DOCK7: variants seen among roughly 807,000 people sequenced by gnomAD.
DOCK7 encodes dedicator of cytokinesis 7, also known as dedicator of cytokinesis protein 7.
Under a neutral mutation model 271.0 loss-of-function variants are expected in DOCK7, and 138 were observed. The ratio of observed to expected loss-of-function variants is 0.51; its 90% CI spans 0.44 to 0.59. The LOEUF is 0.59. DOCK7 is among the 20% of genes least tolerant of loss of function. DOCK7 has a pLI of 0.00. For synonymous variants in DOCK7, 823 were observed against 876.1 expected (o/e 0.94, Z 1.07); for missense variants, 2,066 against 2,592.4 (o/e 0.80, Z 4.41).
At chr1:62,486,307 T>C (rs944537208) in intron 43 of DOCK7, 1 of 152,102 alleles carries the variant, frequency 6.6e-6, no homozygotes, top group African/African-American at 2.4e-5. Context: ...AACTCAGTAG[T>C]AATATTTATT....
intron 1 of DOCK7, among the ~76,000 whole-genome samples, chr1:62,676,010 A>T (rs533957665): frequency 3.7e-4 from 57 of 152,288 alleles, no homozygotes; most frequent in South Asian, 1.2e-3. Context: ...ACAAAATTAC[A>T]CTATGACCTA....
chr1:62,489,310 G>A lies in DOCK7; in HGVS notation c.5362-245C>T, dbSNP rs1646389698. ...TAAAAATACAAAACATTGGCCGGGC[G>A]TGGTGGCGGGTGCCTGTAGTCCCAG... On this transcript the variant is annotated intron_variant, in intron 41 of 49. Transcript: ENST00000635253. Among the ~76,000 whole-genome samples, 6 of 152,060 alleles carry A rather than the reference G, an allele frequency of 3.9e-5. No homozygotes were observed. The South Asian group carries it at 8.3e-4, about 21-fold the overall frequency.
chr1:62,665,792 A>C (rs1249132152), intron 1 of DOCK7, among the ~76,000 whole-genome samples: 1 of 151,754 alleles, frequency 6.6e-6, no homozygotes, highest in Admixed American at 6.6e-5. Flanking sequence ...TCACTCTACC[A>C]ATCTCAGCAC....
In DOCK7 at chr1:62,555,894, T is replaced by A; in HGVS notation, c.2527A>T (p.Ser843Cys). 1 of 1,613,980 alleles carries A rather than the reference T, an allele frequency of 6.2e-7. No homozygotes were observed. The highest frequency in any genetic ancestry group is 8.5e-7 in the Non-Finnish European group (1 of 1,179,936). ...EGNHDQHGRN[S>C]LLASYIHYVF... ...TAATGAATATATGATGCAAGAAGGC[T>A]GTTTCTGCCATGCTGGTCATGATTT... Residue 843 changes from serine (S) to cysteine (C), a missense_variant, in exon 21 of 50, where the codon AGC (serine) becomes TGC (cysteine). Transcript: ENST00000635253.
chr1:62,494,066 G>A (rs999389083), intron 40 of DOCK7, among the ~76,000 whole-genome samples: 1 of 152,104 alleles, frequency 6.6e-6, no homozygotes, highest in African/African-American at 2.4e-5. Context: ...ATAATTCAGA[G>A]GTAAGAAACT....
At chr1:62,679,482 G>C (rs1660874521) in intron 1 of DOCK7, among the ~76,000 whole-genome samples, 1 of 152,100 alleles carries the variant, frequency 6.6e-6, no homozygotes, top group African/African-American at 2.4e-5. Flanking sequence ...GGGGATAACA[G>C]CAAAATATTT....
Position 62,521,665 on chromosome 1 carries a change from T to C in DOCK7, c.3936+6486A>G, listed in dbSNP as rs553469011. ...AAATTTGAATACATTTCTACTAGAA[T>C]AAAATTTACAAAAATCAGTTGTTAA... is the stretch of plus-strand genomic sequence containing the variant. On this transcript the variant is annotated intron_variant, in intron 31 of 49. Coordinates refer to ENST00000635253, the MANE Select transcript of DOCK7 (RefSeq NM_001367561.1). Among the ~76,000 whole-genome samples the C allele has an allele frequency of 8.5e-5, 13 of 152,280 alleles. No homozygotes were observed. In the South Asian group the frequency reaches 1.2e-3, roughly 15 times the overall value.
At chr1:62,577,649 G>A (rs1233603997) in intron 17 of DOCK7, among the ~76,000 whole-genome samples, 4 of 152,044 alleles carry the variant, frequency 2.6e-5, no homozygotes, top group Non-Finnish European at 4.4e-5. Flanking sequence ...AAGCCATGAA[G>A]TAAATCCATT....
chr1:62,474,173 C>T, intron 47 of DOCK7, 85 bp from the exon 48 acceptor site: 1 of 1,134,256 alleles, frequency 8.8e-7, no homozygotes, highest in Non-Finnish European at 1.3e-6. Flanking sequence ...TTTTTCTTAG[C>T]TCTGAGATGG....
chr1:62,465,899 T>C (rs748558726), intron 48 of DOCK7, among the ~76,000 whole-genome samples: 1 of 152,144 alleles, frequency 6.6e-6, no homozygotes, highest in Non-Finnish European at 1.5e-5. Context: ...TATGTGGGTA[T>C]AGGATTGCTG....
intron 14 of DOCK7, chr1:62,602,316 A>G: frequency 6.2e-7 from 1 of 1,610,794 alleles, no homozygotes; most frequent in Non-Finnish European, 8.5e-7. Flanking sequence ...AACATCGAAT[A>G]GATGGATCAC....
chr1:62,520,947 T>C (rs1309748029), intron 31 of DOCK7, among the ~76,000 whole-genome samples: 2 of 152,116 alleles, frequency 1.3e-5, no homozygotes. Flanking sequence ...TTCATGTCCT[T>C]TGCAGGGACA....
At chr1:62,602,289 T>A in intron 14 of DOCK7, 2 of 1,606,266 alleles carry the variant, frequency 1.2e-6, no homozygotes, top group Non-Finnish European at 1.7e-6. Flanking sequence ...ATTCAGGTAG[T>A]CCATGGACAT....
intron 2 of DOCK7, among the ~76,000 whole-genome samples, chr1:62,661,066 T>C (rs1424399138): frequency 6.7e-6 from 1 of 149,784 alleles, no homozygotes; most frequent in African/African-American, 2.5e-5. Flanking sequence ...ACCATGGTAC[T>C]CAGCCTCGAT....
At chr1:62,562,514 C>T (rs1030733764) in intron 18 of DOCK7, among the ~76,000 whole-genome samples, 12 of 151,830 alleles carry the variant, frequency 7.9e-5, no homozygotes, top group East Asian at 3.9e-4. Context: ...CATGCCAGGC[C>T]GAAAACATTT....
chr1:62,459,958 A>G (rs188877913), intron 48 of DOCK7, among the ~76,000 whole-genome samples: 6 of 152,008 alleles, frequency 3.9e-5, no homozygotes, highest in Admixed American at 1.3e-4. Flanking sequence ...AAAATTAGCC[A>G]GGTGTGGTGG....
At chr1:62,513,007 T>A (rs1644533996) in intron 33 of DOCK7, among the ~76,000 whole-genome samples, 1 of 151,944 alleles carries the variant, frequency 6.6e-6, no homozygotes, top group Admixed American at 6.6e-5. Context: ...GGTTCACCAG[T>A]TACAACAAAT....
rs1410686752 is a variant in DOCK7 at position 62,634,845 on chromosome 1, G to A, written c.963C>T (p.Ala321=). The change falls in exon 9 of 50, where the codon GCC becomes GCT. Residue 321 remains alanine, a synonymous_variant. Transcript: ENST00000635253. The stretch of plus-strand genomic sequence containing the variant: ...TTGCTGATCTTGCCAGGGTAGTAAT[G>A]GCAGCAGGTGGTACATGTGGACGTA... ...GLLRPHVPPA[A]ITTLARSAIF... The A allele has an allele frequency of 6.2e-7, 1 of 1,613,164 alleles. No individual in the cohort carries two copies. Among genetic ancestry groups the A allele is most frequent in the South Asian group, 1.1e-5 (1 of 91,022 alleles).
intron 20 of DOCK7, 37 bp from the exon 21 acceptor site, chr1:62,556,026 C>CT (rs754987059): frequency 6.2e-7 from 1 of 1,600,078 alleles, no homozygotes; most frequent in Non-Finnish European, 8.5e-7. Flanking sequence ...TTTGCTTTAA[C>CT]TTTTTTTAGA....
Sources: allele counts gnomAD v4.1 joint callset (sites outside exome capture counted in the v4.1 genomes callset), GRCh38; gene constraint gnomAD v4.1.1; transcripts MANE v1.5; gene names NCBI Gene and HGNC (gene_info 2026-07-23, HGNC 2026-07-21).